The following DMD variants were observed in gnomAD, a reference collection of about 807,000 sequenced individuals.
The protein encoded by DMD is dystrophin.
DMD carries 63 observed loss-of-function variants against 330.1 expected under a neutral mutation model. The observed-to-expected ratio is 0.19, with a 90% CI of 0.16 to 0.24. DMD has a LOEUF of 0.24. Among genes scored for constraint, DMD ranks in the 10% least tolerant of loss-of-function variants. The pLI, the probability that DMD is intolerant of heterozygous loss-of-function variation, is 1.00. For synonymous variants in DMD, 1,223 were observed against 959.8 expected (o/e 1.27, Z -5.07); for missense variants, 3,344 against 2,684.1 (o/e 1.25, Z -5.43).
At chrX:32,089,354 G>A (rs2096461027) in intron 44 of DMD, among the ~76,000 whole-genome samples, 1 of 111,438 alleles carries the variant, frequency 9.0e-6, no homozygotes. Context: ...GCATTTTGCG[G>A]GGGTTTGGTG....
chrX:32,874,440 C>T (rs189474966), intron 2 of DMD, among the ~76,000 whole-genome samples: 3 of 111,626 alleles, frequency 2.7e-5, no homozygotes, highest in African/African-American at 9.8e-5. Context: ...TGCCAGTTTT[C>T]TCTCTCGCCT....
At chrX:32,819,282 G>A in intron 5 of DMD, among the ~76,000 whole-genome samples, 1 of 110,968 alleles carries the variant, frequency 9.0e-6, no homozygotes, top group Non-Finnish European at 1.9e-5. Context: ...TCATTCTCCT[G>A]TAATTGCAAA....
intron 48 of DMD, among the ~76,000 whole-genome samples, chrX:31,847,171 C>T (rs936806350): frequency 3.6e-5 from 4 of 111,756 alleles, no homozygotes; most frequent in African/African-American, 1.3e-4. Flanking sequence ...TTACCGTGTC[C>T]TTCTATCATC....
intron 1 of DMD, among the ~76,000 whole-genome samples, chrX:33,067,556 C>T (rs922417651): frequency 8.9e-5 from 10 of 112,176 alleles, no homozygotes; most frequent in African/African-American, 6.5e-5. Flanking sequence ...AATTCTTTAG[C>T]GAGGCCAGGA....
At chrX:32,780,873 C>A (rs1486143454) in intron 7 of DMD, among the ~76,000 whole-genome samples, 1 of 108,375 alleles carries the variant, frequency 9.2e-6, no homozygotes, top group African/African-American at 3.4e-5. Context: ...GGGCAGATCA[C>A]GAGGTCAGGA....
At chrX:32,250,681 A>G (rs770825370) in intron 43 of DMD, among the ~76,000 whole-genome samples, 121 of 111,911 alleles carry the variant, frequency 1.1e-3, no homozygotes, top group African/African-American at 3.4e-3. Context: ...GCCACTTCCA[A>G]TGAGTTTTCA....
intron 2 of DMD, among the ~76,000 whole-genome samples, chrX:32,965,940 A>G (rs1397286898): frequency 8.9e-6 from 1 of 111,833 alleles, no homozygotes. Flanking sequence ...GAAAGCCAAT[A>G]TAATAAAATA....
At chrX:31,732,771 T>C (rs1426037328) in intron 51 of DMD, among the ~76,000 whole-genome samples, 2 of 111,571 alleles carry the variant, frequency 1.8e-5, no homozygotes, top group Non-Finnish European at 3.8e-5. Flanking sequence ...TTCCTAGTAT[T>C]ATCTTCATCC....
chrX:31,873,654 G>A (rs1325266073), intron 48 of DMD, among the ~76,000 whole-genome samples: 1 of 111,856 alleles, frequency 8.9e-6, no homozygotes, highest in Non-Finnish European at 1.9e-5. Flanking sequence ...TCAACGATTC[G>A]GTTTATTTGA....
chrX:32,717,747 C>T (rs2065879310), intron 7 of DMD, among the ~76,000 whole-genome samples: 1 of 111,387 alleles, frequency 9.0e-6, no homozygotes, highest in African/African-American at 3.3e-5. Context: ...ATGAAAACAA[C>T]TAAGGGTGCT....
intron 61 of DMD, among the ~76,000 whole-genome samples, chrX:31,340,164 GAA>G (rs2057647899): frequency 8.9e-6 from 1 of 112,399 alleles, no homozygotes; most frequent in East Asian, 2.8e-4. Flanking sequence ...TGACAAGAGA[GAA>G]AAAGACTTAA....
At chrX:31,955,003 C>CAA (rs530305580) in intron 45 of DMD, among the ~76,000 whole-genome samples, 4 of 60,231 alleles carry the variant, frequency 6.6e-5, no homozygotes, top group Non-Finnish European at 9.7e-5. Flanking sequence ...CTGCCTCTAC[C>CAA]AAAAAAAAAA....
At chrX:31,587,226 A>G (rs906626308) in intron 55 of DMD, among the ~76,000 whole-genome samples, 15 of 111,843 alleles carry the variant, frequency 1.3e-4, no homozygotes, top group Non-Finnish European at 1.9e-4. Context: ...CACAATTTCA[A>G]TTAGACAGGA....
chrX:33,314,576 T>TTTG (rs1557320642), intron 1 of DMD, among the ~76,000 whole-genome samples: 4 of 99,311 alleles, frequency 4.0e-5, no homozygotes, highest in Non-Finnish European at 8.1e-5. Context: ...TTTTGTTTTT[T>TTTG]TTTTTTTTTT....
chrX:33,066,461 A>AAAAAAGAAGG (rs754870790), intron 1 of DMD, among the ~76,000 whole-genome samples: 3 of 84,205 alleles, frequency 3.6e-5, no homozygotes, highest in Admixed American at 3.2e-4. Flanking sequence ...AAAAAAAAAA[A>AAAAAAGAAGG]AAGGAAGGAA....
intron 21 of DMD, among the ~76,000 whole-genome samples, chrX:32,474,940 T>C (rs931468598): frequency 2.7e-5 from 3 of 111,593 alleles, no homozygotes; most frequent in African/African-American, 9.8e-5. Flanking sequence ...TAAGCCAATG[T>C]CTAGAAAGTT....
At chrX:31,937,548 C>T (rs752507126) in intron 45 of DMD, among the ~76,000 whole-genome samples, 1 of 111,170 alleles carries the variant, frequency 9.0e-6, no homozygotes, top group Admixed American at 9.6e-5. Context: ...TGACAAAATC[C>T]CGTTGGGACC....
At chrX:31,483,263 G>C (rs751840555) in intron 57 of DMD, among the ~76,000 whole-genome samples, 2 of 109,065 alleles carry the variant, frequency 1.8e-5, no homozygotes, top group African/African-American at 6.8e-5. Context: ...AGCCAGGATG[G>C]TCTCCATCTC....
At chrX:32,808,380 G>A (rs190233413) in intron 7 of DMD, among the ~76,000 whole-genome samples, 1 of 111,812 alleles carries the variant, frequency 8.9e-6, no homozygotes, top group African/African-American at 3.2e-5. Flanking sequence ...TGAATATTCT[G>A]CTGCTTGTTA....
Sources: allele counts gnomAD v4.1 joint callset (sites outside exome capture counted in the v4.1 genomes callset), GRCh38; gene constraint gnomAD v4.1.1; transcripts MANE v1.5; gene names NCBI Gene and HGNC (gene_info 2026-07-23, HGNC 2026-07-21).